Variants in GALNTL6 observed in about 807,000 individuals in gnomAD.
GALNTL6 encodes the protein polypeptide N-acetylgalactosaminyltransferase-like 6.
GALNTL6 carries 46 observed loss-of-function variants against 73.7 expected under a neutral mutation model. The observed-to-expected ratio is 0.62, with a 90% CI of 0.49 to 0.80. The LOEUF is 0.80. Ranked by LOEUF, GALNTL6 falls within the 30% of genes least tolerant of loss-of-function variation. GALNTL6 has a pLI of 0.00. For missense variants in GALNTL6, 604 were observed against 755.0 expected (o/e 0.80, Z 2.34); for synonymous variants, 259 against 263.7 (o/e 0.98, Z 0.17).
intron 2 of GALNTL6, among the ~76,000 whole-genome samples, chr4:171,920,520 A>C (rs182318603): frequency 3.3e-5 from 5 of 152,292 alleles, no homozygotes; most frequent in Admixed American, 3.3e-4. Context: ...GGAATATATC[A>C]AAAGAGTAAA....
At chr4:172,047,221 T>C (rs1298497262) in intron 2 of GALNTL6, among the ~76,000 whole-genome samples, 2 of 152,158 alleles carry the variant, frequency 1.3e-5, no homozygotes, top group Admixed American at 6.6e-5. Flanking sequence ...GAAGGTTGCA[T>C]TGAGGCAGCG....
At chr4:171,831,467 T>C (rs905220197) in intron 2 of GALNTL6, among the ~76,000 whole-genome samples, 1 of 151,986 alleles carries the variant, frequency 6.6e-6, no homozygotes, top group Non-Finnish European at 1.5e-5. Context: ...TAATTATATC[T>C]CCTCTTGTTT....
chr4:172,442,065 A>C (rs1731856741), intron 5 of GALNTL6, among the ~76,000 whole-genome samples: 1 of 152,148 alleles, frequency 6.6e-6, no homozygotes, highest in African/African-American at 2.4e-5. Flanking sequence ...TATATTAAAT[A>C]ATGCATTTTT....
At chr4:171,852,447 G>T (rs1031215376) in intron 2 of GALNTL6, among the ~76,000 whole-genome samples, 1 of 151,698 alleles carries the variant, frequency 6.6e-6, no homozygotes, top group Non-Finnish European at 1.5e-5. Context: ...AAAATGATGG[G>T]ATGCATAAAA....
At chr4:172,229,031 G>T (rs1736964186) in intron 2 of GALNTL6, among the ~76,000 whole-genome samples, 1 of 152,116 alleles carries the variant, frequency 6.6e-6, no homozygotes, top group South Asian at 2.1e-4. Flanking sequence ...GCACAGTTTT[G>T]GTCTTAACAG....
intron 2 of GALNTL6, among the ~76,000 whole-genome samples, chr4:171,940,803 GC>G (rs1290047658): frequency 5.4e-5 from 8 of 148,134 alleles, no homozygotes; most frequent in African/African-American, 2.0e-4. Flanking sequence ...GGACGACAGA[GC>G]AAGATTCCAT....
chr4:172,713,381 A>G (rs963131835), intron 5 of GALNTL6, among the ~76,000 whole-genome samples: 1 of 151,812 alleles, frequency 6.6e-6, no homozygotes, highest in Non-Finnish European at 1.5e-5. Flanking sequence ...GAAAGAGCCG[A>G]TGTTGTGGTT....
intron 2 of GALNTL6, among the ~76,000 whole-genome samples, chr4:172,118,468 G>A (rs188946818): frequency 2.6e-5 from 4 of 152,294 alleles, no homozygotes; most frequent in Non-Finnish European, 5.9e-5. Flanking sequence ...GGGAGGCCAA[G>A]GCGGGTGGAT....
At chr4:172,803,398 C>G (rs1333731660) in intron 5 of GALNTL6, among the ~76,000 whole-genome samples, 1 of 152,188 alleles carries the variant, frequency 6.6e-6, no homozygotes, top group Non-Finnish European at 1.5e-5. Context: ...TTATGAGAAT[C>G]TAATGCCTGG....
intron 3 of GALNTL6, among the ~76,000 whole-genome samples, chr4:172,295,014 T>G (rs1386077891): frequency 6.6e-6 from 1 of 152,204 alleles, no homozygotes; most frequent in Non-Finnish European, 1.5e-5. Context: ...ATATATAGAT[T>G]CAGCATGAAT....
chr4:172,943,410 G>A (rs1749009186), intron 9 of GALNTL6, among the ~76,000 whole-genome samples: 1 of 152,164 alleles, frequency 6.6e-6, no homozygotes, highest in Non-Finnish European at 1.5e-5. Flanking sequence ...GGATTGTACA[G>A]CCTATTTTAT....
At chr4:172,503,582 T>C (rs1337842645) in intron 5 of GALNTL6, among the ~76,000 whole-genome samples, 1 of 146,380 alleles carries the variant, frequency 6.8e-6, no homozygotes, top group African/African-American at 2.6e-5. Context: ...CTTGTGGTTC[T>C]AGTTGGCACT....
intron 5 of GALNTL6, among the ~76,000 whole-genome samples, chr4:172,616,322 C>T (rs558131243): frequency 6.6e-6 from 1 of 152,098 alleles, no homozygotes; most frequent in East Asian, 1.9e-4. Flanking sequence ...TATAACACCC[C>T]TTTTTTTGTC....
At chr4:171,906,006 A>C (rs1271167089) in intron 2 of GALNTL6, among the ~76,000 whole-genome samples, 2 of 151,998 alleles carry the variant, frequency 1.3e-5, no homozygotes, top group Non-Finnish European at 2.9e-5. Context: ...GTGTAGAGGG[A>C]AATTTATAGC....
chr4:171,996,556 A>C (rs1040155062), intron 2 of GALNTL6, among the ~76,000 whole-genome samples: 1 of 152,078 alleles, frequency 6.6e-6, no homozygotes, highest in East Asian at 1.9e-4. Flanking sequence ...CAGGAGAAGA[A>C]TGTTAAAAGA....
At chr4:173,009,061 A>G in intron 10 of GALNTL6, 117 bp from the exon 11 acceptor site, 3 of 709,650 alleles carry the variant, frequency 4.2e-6, no homozygotes, top group Non-Finnish European at 7.7e-6. Context: ...GTCTCATTCA[A>G]TATGCATGTA....
chr4:172,468,249 A>G (rs1321231261), intron 5 of GALNTL6, among the ~76,000 whole-genome samples: 1 of 152,082 alleles, frequency 6.6e-6, no homozygotes, highest in Non-Finnish European at 1.5e-5. Flanking sequence ...TACTATGACA[A>G]TTTTATTGAA....
intron 5 of GALNTL6, among the ~76,000 whole-genome samples, chr4:172,618,204 C>T (rs1421579588): frequency 4.6e-5 from 7 of 152,070 alleles, no homozygotes; most frequent in Admixed American, 3.9e-4. Context: ...AGCAAAAGGG[C>T]TTGGTTTTGG....
At chr4:172,049,518 A>G (rs1250789319) in intron 2 of GALNTL6, among the ~76,000 whole-genome samples, 2 of 152,154 alleles carry the variant, frequency 1.3e-5, no homozygotes, top group African/African-American at 4.8e-5. Flanking sequence ...AATGTAGTTT[A>G]TCAGTAACAA....
Sources: gnomAD v4.1 joint callset for allele counts (sites outside exome capture counted in the v4.1 genomes callset) on GRCh38, gnomAD v4.1.1 for gene constraint, MANE v1.5 for transcripts, NCBI Gene and HGNC (gene_info 2026-07-23, HGNC 2026-07-21) for gene names.